The following GARRE1 variants were observed in gnomAD, a reference collection of about 807,000 sequenced individuals.
The protein encoded by GARRE1 is granule associated Rac and RHOG effector protein 1.
In GARRE1, 49 loss-of-function variants were observed where a neutral mutation model predicts 103.2. The observed-to-expected ratio is 0.47, with a 90% CI of 0.38 to 0.60. The LOEUF (loss-of-function observed/expected upper bound fraction) is 0.60. Among genes scored for constraint, GARRE1 ranks in the 20% least tolerant of loss-of-function variants. GARRE1 has a pLI of 0.00. For missense variants in GARRE1, 1,199 were observed against 1,370.5 expected, an observed-to-expected ratio of 0.87 and a Z score of 1.98; for synonymous variants, 505 against 532.8, an observed-to-expected ratio of 0.95 and a Z score of 0.72.
rs894451749 is a variant in GARRE1 at position 34,300,361 on chromosome 19, T to C, written c.-113T>C. Reference sequence around the variant, plus strand: ...TCACCTGCCTCATGGAAATGCCTTTTTTAAAACTTCGATTTGCAGAACTCC... The same window carrying C: ...TCACCTGCCTCATGGAAATGCCTTTCTTAAAACTTCGATTTGCAGAACTCC... On this transcript the variant is annotated 5_prime_UTR_variant, in exon 2 of 14. Coordinates refer to ENST00000299505, the MANE Select transcript of GARRE1 (RefSeq NM_014686.5). The C allele has an allele frequency of 2.8e-5, 38 of 1,339,194 alleles. 1 individual carries two copies. In the South Asian group the frequency reaches 5.4e-4, roughly 19 times the overall value. The allele number at this position is 1,339,194 out of a possible 1,614,324, so 83.0% of individuals were successfully genotyped here. A position where few individuals can be genotyped will look rare whatever the true frequency, so the allele number is the denominator to read the frequency against.
chr19:34,303,612 T>C (rs904363803), intron 2 of GARRE1, among the ~76,000 whole-genome samples: 1 of 152,178 alleles, frequency 6.6e-6, no homozygotes, highest in Non-Finnish European at 1.5e-5. Flanking sequence ...TCTCACATAT[T>C]CTTTGTTTTT....
intron 1 of GARRE1, among the ~76,000 whole-genome samples, chr19:34,290,878 T>C (rs1324058286): frequency 1.6e-4 from 1 of 6,162 alleles, no homozygotes; most frequent in African/African-American, 5.7e-4. Context: ...ATATTGCTTT[T>C]TTTTTTTTTT....
intron 13 of GARRE1, among the ~76,000 whole-genome samples, chr19:34,352,333 C>T (rs374088930): frequency 2.2e-4 from 32 of 148,468 alleles, no homozygotes; most frequent in Non-Finnish European, 3.7e-4. Flanking sequence ...ACCCCGGAGG[C>T]AGAGGTTGCA....
chr19:34,266,265 G>A (rs1192797676), intron 1 of GARRE1, among the ~76,000 whole-genome samples: 2 of 152,206 alleles, frequency 1.3e-5, no homozygotes, highest in East Asian at 3.8e-4. Flanking sequence ...CCTGCCTAGC[G>A]AGTGGATGGT....
intron 1 of GARRE1, among the ~76,000 whole-genome samples, chr19:34,258,871 C>A (rs552699402): frequency 6.6e-6 from 1 of 151,880 alleles, no homozygotes; most frequent in Non-Finnish European, 1.5e-5. Flanking sequence ...TGGAGACCAG[C>A]CTGGGCAACA....
At chr19:34,315,728 A>AG (rs2074057373) in intron 2 of GARRE1, among the ~76,000 whole-genome samples, 1 of 151,714 alleles carries the variant, frequency 6.6e-6, no homozygotes, top group Non-Finnish European at 1.5e-5. Context: ...AAAAAAAAAA[A>AG]AAAAGGGTAG....
intron 1 of GARRE1, among the ~76,000 whole-genome samples, chr19:34,293,581 G>A (rs933088005): frequency 1.1e-4 from 17 of 151,098 alleles, no homozygotes; most frequent in Non-Finnish European, 2.5e-4. Context: ...TGTTTTTGTA[G>A]AGACAGGGTT....
chr19:34,286,694 G>A (rs984764402), intron 1 of GARRE1, among the ~76,000 whole-genome samples: 1 of 150,596 alleles, frequency 6.6e-6, no homozygotes, highest in Non-Finnish European at 1.5e-5. Context: ...GTAGGGATGG[G>A]GTTTCATCGT....
chr19:34,282,908 G>C (rs2073863844), intron 1 of GARRE1, among the ~76,000 whole-genome samples: 1 of 152,220 alleles, frequency 6.6e-6, no homozygotes, highest in Admixed American at 6.5e-5. Flanking sequence ...TTGTAATATA[G>C]TTTCCTCTGC....
Position 34,348,226 on chromosome 19 carries a change from T to A in GARRE1, c.2687+184T>A, listed in dbSNP as rs2074221721. 1.4e-5 allele frequency: 6 copies of A among 441,106 alleles called. No homozygotes were observed. The South Asian group carries it at 3.8e-4, about 28-fold the overall frequency. 27.3% of individuals were successfully genotyped at this position (441,106 alleles called of 1,614,324 possible). On this transcript the variant is annotated intron_variant, in intron 11 of 13. Transcript: ENST00000299505. ...CAGAGTCATGTGGCTGACTGTTAGA[T>A]GCCAAGTAGTGTGATGTATCCCTGT...
intron 2 of GARRE1, among the ~76,000 whole-genome samples, chr19:34,310,717 G>A (rs145019869): frequency 6.6e-6 from 1 of 152,280 alleles, no homozygotes; most frequent in Non-Finnish European, 1.5e-5. Context: ...AAATAGACTG[G>A]CACTAGGTGT....
At chr19:34,307,717 A>C (rs1436624919) in intron 2 of GARRE1, among the ~76,000 whole-genome samples, 2 of 132,384 alleles carry the variant, frequency 1.5e-5, no homozygotes, top group Non-Finnish European at 3.3e-5. Context: ...TTATATATAT[A>C]CTATATATAC....
chr19:34,348,160 C>T (rs2074221344), intron 11 of GARRE1, 118 bp downstream of exon 11: 1 of 895,998 alleles, frequency 1.1e-6, no homozygotes, highest in Non-Finnish European at 1.5e-6. Flanking sequence ...AATTCCAAGC[C>T]CCCATGTGAG....
At chr19:34,266,252 T>G (rs113497437) in intron 1 of GARRE1, among the ~76,000 whole-genome samples, 3 of 152,346 alleles carry the variant, frequency 2.0e-5, no homozygotes, top group African/African-American at 7.2e-5. Flanking sequence ...TGGGGCTGTC[T>G]TCCCTGCCTA....
chr19:34,254,816 G>A (rs541270249), intron 1 of GARRE1, among the ~76,000 whole-genome samples: 22 of 149,994 alleles, frequency 1.5e-4, no homozygotes, highest in Non-Finnish European at 3.3e-4. Flanking sequence ...GGGCTTTGCG[G>A]GCGCTGGCCG....
At chr19:34,343,883 T>A (rs1432946312) in intron 10 of GARRE1, among the ~76,000 whole-genome samples, 1 of 152,096 alleles carries the variant, frequency 6.6e-6, no homozygotes, top group Non-Finnish European at 1.5e-5. Flanking sequence ...TAAAAAAGAC[T>A]ATCTACTAAA....
intron 3 of GARRE1, among the ~76,000 whole-genome samples, chr19:34,324,677 T>A (rs1298518330): frequency 6.6e-6 from 1 of 151,984 alleles, no homozygotes; most frequent in African/African-American, 2.4e-5. Flanking sequence ...ATTTTACTTT[T>A]TATTTATTTT....
At chr19:34,279,185 CTA>C (rs1216204211) in intron 1 of GARRE1, among the ~76,000 whole-genome samples, 1 of 152,118 alleles carries the variant, frequency 6.6e-6, no homozygotes, top group Non-Finnish European at 1.5e-5. Context: ...CATGGTAATT[CTA>C]TGTTTAATTT....
intron 13 of GARRE1, among the ~76,000 whole-genome samples, 181 bp from the exon 14 acceptor site, chr19:34,352,466 C>G (rs559757319): frequency 6.6e-6 from 1 of 151,350 alleles, no homozygotes; most frequent in East Asian, 1.9e-4. Flanking sequence ...GGCTACCATA[C>G]TAGACCGTAT....
Sources: allele counts gnomAD v4.1 joint callset (sites outside exome capture counted in the v4.1 genomes callset), GRCh38; gene constraint gnomAD v4.1.1; transcripts MANE v1.5; gene names NCBI Gene and HGNC (gene_info 2026-07-23, HGNC 2026-07-21).